Variants in PRKG1 observed in about 807,000 individuals in gnomAD.
The protein encoded by PRKG1 is protein kinase cGMP-dependent 1.
In PRKG1, 35 loss-of-function variants were observed where a neutral mutation model predicts 88.1. The observed-to-expected ratio is 0.40, with a 90% CI of 0.30 to 0.53. The LOEUF (loss-of-function observed/expected upper bound fraction) is 0.53. Ranked by LOEUF, PRKG1 falls within the 20% of genes least tolerant of loss-of-function variation. The pLI, the probability that PRKG1 is intolerant of heterozygous loss-of-function variation, is 0.59. For missense variants in PRKG1, 540 were observed against 839.8 expected (o/e 0.64, Z 4.41); for synonymous variants, 303 against 292.5 (o/e 1.04, Z -0.37).
intron 7 of PRKG1, among the ~76,000 whole-genome samples, chr10:52,119,657 C>T (rs1847768574): frequency 6.6e-6 from 1 of 152,180 alleles, no homozygotes; most frequent in South Asian, 2.1e-4. Flanking sequence ...AAGACTAATG[C>T]ATTACTTTAC....
chr10:52,265,450 A>G lies in PRKG1; in HGVS notation c.1174-5900A>G, dbSNP rs545473125. Among the ~76,000 whole-genome samples, 8 of 152,136 alleles carry G rather than the reference A, an allele frequency of 5.3e-5. No homozygotes were observed. The South Asian group carries it at 1.7e-3, about 31-fold the overall frequency. On this transcript the variant is annotated intron_variant, in intron 10 of 17. Coordinates refer to ENST00000373980, the MANE Select transcript of PRKG1 (RefSeq NM_006258.4). ...TTCTTCCAAAATAATTAAGATATTG[A>G]CAGTGCAAAATAAGCTACGAGCTCT...
intron 9 of PRKG1, among the ~76,000 whole-genome samples, chr10:52,194,590 C>T (rs575758812): frequency 1.3e-5 from 2 of 152,180 alleles, no homozygotes; most frequent in Admixed American, 6.5e-5. Context: ...CTAAAGTTTC[C>T]GTTTATGTGG....
intron 5 of PRKG1, among the ~76,000 whole-genome samples, chr10:51,942,016 G>A (rs959708274): frequency 1.3e-5 from 2 of 152,036 alleles, no homozygotes; most frequent in African/African-American, 4.8e-5. Flanking sequence ...GGATCCCTGA[G>A]GAATCGCCAC....
rs527538896 is a variant in PRKG1, at chr10:52,282,417, A to G, written c.1709+101A>G. On this transcript the variant is annotated intron_variant, in intron 14 of 17. Transcript: ENST00000373980. ...ATTAGACCATCTTAAAGTACTTTTC[A>G]CCATATCTTGGTACCACAGTTTAAT... is the stretch of plus-strand genomic sequence containing the variant. 737 of 1,161,366 alleles carry G rather than the reference A, an allele frequency of 6.3e-4. 4 individuals carry two copies. In the African/African-American group the frequency reaches 0.011, roughly 17 times the overall value. The allele number at this position is 1,161,366 out of a possible 1,614,324, so 71.9% of individuals were successfully genotyped here. A position where few individuals can be genotyped will look rare whatever the true frequency, so the allele number is the denominator to read the frequency against.
chr10:52,174,332 C>CT (rs1345739483), intron 9 of PRKG1, among the ~76,000 whole-genome samples: 1 of 151,526 alleles, frequency 6.6e-6, no homozygotes, highest in Non-Finnish European at 1.5e-5. Context: ...GCAGATGATG[C>CT]TTTTTTGAGT....
chr10:51,144,165 T>C (rs1243718283), intron 1 of PRKG1, among the ~76,000 whole-genome samples: 3 of 152,066 alleles, frequency 2.0e-5, no homozygotes, highest in African/African-American at 7.2e-5. Flanking sequence ...GAGATAAGGG[T>C]CTAATTTCAT....
At chr10:51,280,488 C>T (rs1840263165) in intron 2 of PRKG1, among the ~76,000 whole-genome samples, 1 of 152,168 alleles carries the variant, frequency 6.6e-6, no homozygotes, top group African/African-American at 2.4e-5. Context: ...TCCATTCTGC[C>T]CGTCACTTTC....
At chr10:51,698,047 C>A in intron 3 of PRKG1, 1 of 1,614,090 alleles carries the variant, frequency 6.2e-7, no homozygotes. Context: ...CAGGATTCCC[C>A]ACCCCTGAAA....
chr10:52,253,334 T>A (rs2132404048), intron 10 of PRKG1: 1 of 152,040 alleles, frequency 6.6e-6, no homozygotes, highest in African/African-American at 2.4e-5. Flanking sequence ...AATATAGGAA[T>A]TTACTTAAGA....
At chr10:52,275,568 G>A (rs1299036391) in intron 12 of PRKG1, among the ~76,000 whole-genome samples, 4 of 152,138 alleles carry the variant, frequency 2.6e-5, no homozygotes, top group Non-Finnish European at 4.4e-5. Context: ...GTGCTATGCT[G>A]TTTTGGTGAC....
chr10:52,073,582 TG>T (rs1846557687), intron 7 of PRKG1, among the ~76,000 whole-genome samples: 1 of 152,230 alleles, frequency 6.6e-6, no homozygotes, highest in Admixed American at 6.5e-5. Context: ...GTAATTCATC[TG>T]TTCTGGCATG....
intron 2 of PRKG1, among the ~76,000 whole-genome samples, chr10:51,189,895 C>T (rs1022897861): frequency 1.3e-5 from 2 of 151,874 alleles, no homozygotes; most frequent in Non-Finnish European, 1.5e-5. Context: ...CTACTGTGCC[C>T]ATTATGCAGG....
At chr10:51,849,719 A>C (rs1289388190) in intron 4 of PRKG1, among the ~76,000 whole-genome samples, 4 of 152,186 alleles carry the variant, frequency 2.6e-5, no homozygotes. Context: ...CATACTTTTA[A>C]AATTCTTCAG....
At chr10:51,363,608 G>T (rs1048839741) in intron 2 of PRKG1, among the ~76,000 whole-genome samples, 1 of 151,840 alleles carries the variant, frequency 6.6e-6, no homozygotes, top group Non-Finnish European at 1.5e-5. Flanking sequence ...GGTTAACTAC[G>T]GCTGCTGTTT....
At chr10:51,844,952 A>G (rs1424515973) in intron 4 of PRKG1, among the ~76,000 whole-genome samples, 1 of 152,160 alleles carries the variant, frequency 6.6e-6, no homozygotes, top group Non-Finnish European at 1.5e-5. Context: ...GACTGGGTTA[A>G]ATTTCAGTTA....
At chr10:51,685,200 A>C (rs2132378835) in intron 3 of PRKG1, among the ~76,000 whole-genome samples, 1 of 152,286 alleles carries the variant, frequency 6.6e-6, no homozygotes. Flanking sequence ...AAACTGAATG[A>C]TATAATGGGG....
chr10:51,280,734 C>T (rs78862917), intron 2 of PRKG1, among the ~76,000 whole-genome samples: 183 of 152,312 alleles, frequency 1.2e-3, no homozygotes, highest in African/African-American at 4.2e-3. Flanking sequence ...TTAAGGACTT[C>T]TCTACACTGG....
intron 17 of PRKG1, 74 bp downstream of exon 17, chr10:52,290,364 T>C: frequency 7.8e-7 from 1 of 1,274,180 alleles, no homozygotes; most frequent in Non-Finnish European, 1.1e-6. Flanking sequence ...TGATCTGTTA[T>C]TTTTAAAGTT....
At chr10:51,355,465 A>G (rs1842345306) in intron 2 of PRKG1, among the ~76,000 whole-genome samples, 1 of 152,002 alleles carries the variant, frequency 6.6e-6, no homozygotes, top group African/African-American at 2.4e-5. Context: ...TCTCCCCCAC[A>G]CTGTGCTTCT....
Sources: gnomAD v4.1 joint callset for allele counts (sites outside exome capture counted in the v4.1 genomes callset) on GRCh38, gnomAD v4.1.1 for gene constraint, MANE v1.5 for transcripts, NCBI Gene and HGNC (gene_info 2026-07-23, HGNC 2026-07-21) for gene names.